Variants in EYS observed in about 807,000 individuals in gnomAD.
EYS encodes the protein protein eyes shut homolog.
EYS carries 250 observed loss-of-function variants against 282.1 expected under a neutral mutation model. The observed-to-expected ratio is 0.89, with a 90% confidence interval of 0.80 to 0.98. The LOEUF (loss-of-function observed/expected upper bound fraction) is 0.98, where lower values mean the gene tolerates loss of function less well. Among genes scored for constraint, EYS ranks in the 50% least tolerant of loss-of-function variants. The pLI, the probability that EYS is intolerant of heterozygous loss-of-function variation, is 0.00. For missense variants in EYS, 4,016 were observed against 3,709.0 expected (o/e 1.08, Z -2.15); for synonymous variants, 1,355 against 1,282.9 (o/e 1.06, Z -1.20).
intron 12 of EYS, among the ~76,000 whole-genome samples, chr6:65,082,830 T>G (rs1774263161): frequency 6.6e-6 from 1 of 152,034 alleles, no homozygotes; most frequent in South Asian, 2.1e-4. Context: ...TATGAAATCT[T>G]AAGTAACATA....
chr6:64,374,123 G>A (rs1383158756), intron 29 of EYS, among the ~76,000 whole-genome samples: 1 of 149,876 alleles, frequency 6.7e-6, no homozygotes, highest in African/African-American at 2.4e-5. Context: ...CCAGTTCAGG[G>A]TGAAGGGAGA....
chr6:64,859,771 T>C (rs1194894552), intron 19 of EYS, among the ~76,000 whole-genome samples: 2 of 152,202 alleles, frequency 1.3e-5, no homozygotes, highest in Non-Finnish European at 2.9e-5. Flanking sequence ...CCAGTCTTGG[T>C]TATGTCTTTA....
intron 12 of EYS, among the ~76,000 whole-genome samples, chr6:65,114,337 A>G (rs964346297): frequency 7.0e-6 from 1 of 143,308 alleles, no homozygotes; most frequent in Admixed American, 7.0e-5. Context: ...TCTTATTAAA[A>G]CTCATAAGTA....
chr6:65,042,809 T>C (rs758013603), intron 13 of EYS, among the ~76,000 whole-genome samples: 12 of 151,160 alleles, frequency 7.9e-5, no homozygotes, highest in Non-Finnish European at 1.5e-4. Flanking sequence ...TTTCCCTTTA[T>C]GCTGAAGAAA....
At chr6:63,753,150 A>G (rs904052126) in intron 41 of EYS, among the ~76,000 whole-genome samples, 25 of 121,204 alleles carry the variant, frequency 2.1e-4, no homozygotes, top group African/African-American at 6.8e-4. Context: ...GTATATATAT[A>G]TATATATATA....
At chr6:65,081,903 G>C (rs1774239865) in intron 12 of EYS, among the ~76,000 whole-genome samples, 3 of 151,986 alleles carry the variant, frequency 2.0e-5, no homozygotes, top group Admixed American at 1.3e-4. Context: ...TATCATTAGG[G>C]CTGTCACAGG....
intron 11 of EYS, among the ~76,000 whole-genome samples, chr6:65,326,729 T>C (rs1769632857): frequency 6.6e-6 from 1 of 151,618 alleles, no homozygotes; most frequent in South Asian, 2.1e-4. Context: ...TCATAAATCA[T>C]TCATTATAAT....
In EYS at chr6:63,722,449, T is replaced by C. The variant is rs141869813; in HGVS notation, c.8234-652A>G. On this transcript the variant is annotated intron_variant, in intron 42 of 42. Transcript: ENST00000503581. ...CACTAGGTTTCCCTCCATTACAGTA[T>C]ATCTCATTTTATAATTATATAGTCG... 3.8e-3 allele frequency among the ~76,000 whole-genome samples: 584 copies of C among 152,260 alleles called. 3 individuals carry two copies. Among genetic ancestry groups the C allele is most frequent in the African/African-American group, 0.012 (507 of 41,534 alleles).
intron 31 of EYS, among the ~76,000 whole-genome samples, chr6:64,082,680 AAGT>A (rs1289256744): frequency 2.0e-5 from 3 of 152,128 alleles, no homozygotes; most frequent in Non-Finnish European, 2.9e-5. Flanking sequence ...GTTATTTTAT[AAGT>A]AGTATTACTA....
At chr6:65,062,409 C>T (rs775214565) in intron 12 of EYS, among the ~76,000 whole-genome samples, 5 of 151,930 alleles carry the variant, frequency 3.3e-5, no homozygotes, top group Non-Finnish European at 7.4e-5. Flanking sequence ...AATATCTAGT[C>T]TAAGTATCCC....
Position 64,081,992 on chromosome 6 carries a change from T to A in EYS, c.6435A>T (p.Leu2145Phe). 1 of 1,539,774 alleles carries A rather than the reference T, an allele frequency of 6.5e-7. No homozygotes were observed. The highest frequency in any genetic ancestry group is 1.2e-5 in the South Asian group (1 of 83,190). Residue 2145 changes from leucine to phenylalanine, a missense_variant, in exon 32 of 43, where the codon TTA becomes TTT. By Grantham distance (22) the Leu-to-Phe change is conservative. Transcript: ENST00000503581. ...AATTCCCATTGAAAGATGGAAAGAA[T>A]AAACCTGCATCTAAAAAAGAAAATG... ...TGRFCEKDAG[L>F]FFPSFNGNSY...
At chr6:63,971,561 T>C (rs1431289694) in intron 35 of EYS, among the ~76,000 whole-genome samples, 1 of 152,196 alleles carries the variant, frequency 6.6e-6, no homozygotes, top group Admixed American at 6.5e-5. Context: ...TCTACAATCA[T>C]GCATATAAAT....
At chr6:65,611,867 C>T (rs1309337386) in intron 2 of EYS, among the ~76,000 whole-genome samples, 1 of 151,896 alleles carries the variant, frequency 6.6e-6, no homozygotes, top group African/African-American at 2.4e-5. Flanking sequence ...ATTCTTGAGC[C>T]AAGCTTAGGA....
chr6:63,740,094 C>T lies in EYS; in HGVS notation c.8072-13414G>A, dbSNP rs566611051. ...AATTCCAAAAAGATAATGTGTATAACGAAGTGTAGTCCTAATTAGGTTGAA... is the reference window on the plus strand; with the variant it reads ...AATTCCAAAAAGATAATGTGTATAATGAAGTGTAGTCCTAATTAGGTTGAA... On this transcript the variant is annotated intron_variant, in intron 41 of 42. Transcript: ENST00000503581. Among the ~76,000 whole-genome samples the T allele has an allele frequency of 6.6e-5, 10 of 152,194 alleles. No individual in the cohort carries two copies. The East Asian group carries it at 1.4e-3, about 21-fold the overall frequency.
chr6:65,413,678 T>C (rs1251804496), intron 5 of EYS, among the ~76,000 whole-genome samples: 2 of 151,842 alleles, frequency 1.3e-5, no homozygotes, highest in Non-Finnish European at 2.9e-5. Flanking sequence ...GCCAATATGG[T>C]GAAACCCGTC....
chr6:65,041,387 A>G (rs898089866), intron 13 of EYS, among the ~76,000 whole-genome samples: 1 of 151,530 alleles, frequency 6.6e-6, no homozygotes, highest in Admixed American at 6.6e-5. Context: ...TTAAAAATAT[A>G]TTTATCTACC....
intron 31 of EYS, among the ~76,000 whole-genome samples, chr6:64,193,697 G>A (rs569521848): frequency 6.6e-5 from 10 of 152,016 alleles, no homozygotes; most frequent in African/African-American, 2.4e-4. Context: ...TCCCCACCCT[G>A]TGTCCAAGTG....
intron 12 of EYS, among the ~76,000 whole-genome samples, chr6:65,138,446 A>G (rs1350840199): frequency 6.6e-6 from 1 of 152,216 alleles, no homozygotes; most frequent in East Asian, 1.9e-4. Context: ...TTAAGAGTGT[A>G]TATTTGGTTC....
At chr6:64,750,852 C>G (rs893562420) in intron 22 of EYS, among the ~76,000 whole-genome samples, 1 of 152,106 alleles carries the variant, frequency 6.6e-6, no homozygotes, top group Non-Finnish European at 1.5e-5. Context: ...TGGAGGCATT[C>G]GGCTGAGAAA....
Sources: gnomAD v4.1 joint callset for allele counts (sites outside exome capture counted in the v4.1 genomes callset) on GRCh38, gnomAD v4.1.1 for gene constraint, MANE v1.5 for transcripts, NCBI Gene and HGNC (gene_info 2026-07-23, HGNC 2026-07-21) for gene names.